The following PCGF3 variants were observed in gnomAD, a reference collection of about 807,000 sequenced individuals.
PCGF3 encodes polycomb group RING finger protein 3.
PCGF3 carries 7 observed loss-of-function variants against 33.1 expected under a neutral mutation model. The ratio of observed to expected loss-of-function variants is 0.21; its 90% CI spans 0.12 to 0.40. The LOEUF is 0.40. PCGF3 is among the 10% of genes least tolerant of loss of function. The probability of loss-of-function intolerance (pLI) is 1.00; values close to 1 mark genes in which losing one functional copy is unlikely to be tolerated. For missense variants in PCGF3, 211 were observed against 313.3 expected, an observed-to-expected ratio of 0.67 and a Z score of 2.46; for synonymous variants, 153 against 121.3, an observed-to-expected ratio of 1.26 and a Z score of -1.72.
At chr4:733,071 C>T (rs577406281) in intron 3 of PCGF3, among the ~76,000 whole-genome samples, 10 of 44,598 alleles carry the variant, frequency 2.2e-4, no homozygotes, top group African/African-American at 1.9e-3. Context: ...GTGCTGCCTC[C>T]GCCCCTGCCC....
intron 8 of PCGF3, among the ~76,000 whole-genome samples, chr4:752,605 C>T (rs1225972331): frequency 1.3e-5 from 2 of 152,170 alleles, no homozygotes; most frequent in African/African-American, 4.8e-5. Flanking sequence ...GGGCCTGCTG[C>T]CCTGAGCTGG....
rs369337004 is a variant in PCGF3, at chr4:710,379, A to G, written c.-190+4409A>G. On this transcript the variant is annotated intron_variant, in intron 1 of 10. Transcript: ENST00000362003. ...CCCAGTGTTTGTGGAGTGACATTCTACCACTTTTGCCAAGAGTCATTCGGC... is the reference window on the plus strand; with the variant it reads ...CCCAGTGTTTGTGGAGTGACATTCTGCCACTTTTGCCAAGAGTCATTCGGC... 1.1e-4 allele frequency among the ~76,000 whole-genome samples: 17 copies of G among 152,302 alleles called. No homozygotes were observed. The South Asian group carries it at 2.3e-3, about 20-fold the overall frequency.
Position 763,718 on chromosome 4 carries a change from C to T in PCGF3, c.601-1266C>T, listed in dbSNP as rs190505304. Among the ~76,000 whole-genome samples the T allele has an allele frequency of 3.9e-5, 6 of 152,316 alleles. No homozygotes were observed. The East Asian group carries it at 1.2e-3, about 29-fold the overall frequency. ...CAGCAGCCACACCTCGTCATTTACC[C>T]ACTGGAAATCTCCTGCCCACACAAA... On this transcript the variant is annotated intron_variant, in intron 9 of 10. Transcript: ENST00000362003.
chr4:758,393 C>T (rs1296450386), intron 8 of PCGF3, among the ~76,000 whole-genome samples: 6 of 142,788 alleles, frequency 4.2e-5, no homozygotes, highest in Non-Finnish European at 7.6e-5. Context: ...GAGTTCTTCT[C>T]CTTCCGGACT....
At chr4:749,897 A>T (rs1238591575) in intron 8 of PCGF3, among the ~76,000 whole-genome samples, 2 of 152,172 alleles carry the variant, frequency 1.3e-5, no homozygotes, top group Non-Finnish European at 2.9e-5. Flanking sequence ...AGCTCCCTGT[A>T]CCCTCTGCCT....
Position 741,457 on chromosome 4 carries a change from A to G in PCGF3, c.263-2017A>G, listed in dbSNP as rs534130190. Among the ~76,000 whole-genome samples, 4 of 152,294 alleles carry G rather than the reference A, an allele frequency of 2.6e-5. No individual in the cohort carries two copies. The East Asian group carries it at 7.7e-4, about 29-fold the overall frequency. On this transcript the variant is annotated intron_variant, in intron 6 of 10. Transcript: ENST00000362003. ...AGTTTTGCTCTTGTTGCCCAGGCTGAGTGCAGTGGCACGATCTCAGCTCAC... is the reference window on the plus strand; with the variant it reads ...AGTTTTGCTCTTGTTGCCCAGGCTGGGTGCAGTGGCACGATCTCAGCTCAC...
intron 8 of PCGF3, among the ~76,000 whole-genome samples, chr4:756,708 G>GCCA (rs1560216185): frequency 6.6e-6 from 1 of 151,966 alleles, no homozygotes; most frequent in African/African-American, 2.4e-5. Context: ...GTGTTACACA[G>GCCA]CCACCACCAC....
At chr4:727,982 C>G (rs1464370230) in intron 1 of PCGF3, among the ~76,000 whole-genome samples, 1 of 152,198 alleles carries the variant, frequency 6.6e-6, no homozygotes, top group Non-Finnish European at 1.5e-5. Flanking sequence ...ACTTTCTGAC[C>G]ATTGACCTGG....
Position 736,819 on chromosome 4 carries a change from G to A in PCGF3, c.207-647G>A, listed in dbSNP as rs1178920168. 1.5e-4 allele frequency among the ~76,000 whole-genome samples: 21 copies of A among 140,798 alleles called. 1 individual carries two copies. The highest frequency in any genetic ancestry group is 3.0e-4 in the Non-Finnish European group (19 of 63,966). 92.4% of individuals were successfully genotyped at this position (140,798 alleles called of 152,430 possible). A position where few individuals can be genotyped will look rare whatever the true frequency, so the allele number is the denominator to read the frequency against. On this transcript the variant is annotated intron_variant, in intron 5 of 10. Transcript: ENST00000362003. ...GAAACCTGGGGTGTCTGCAGGGACA[G>A]TGTCGCGGGGAACCTGGGGTGTCTG... is the stretch of plus-strand genomic sequence containing the variant.
At chr4:728,355 G>A (rs1318035180) in intron 1 of PCGF3, among the ~76,000 whole-genome samples, 5 of 151,678 alleles carry the variant, frequency 3.3e-5, no homozygotes, top group African/African-American at 7.3e-5. Flanking sequence ...GGCGTAGAGT[G>A]CGTGGGGGGT....
At chr4:761,315 C>T (rs1206319800) in exon 9 of PCGF3, 9 of 1,606,876 alleles carry the variant, frequency 5.6e-6, no homozygotes, top group Admixed American at 5.1e-5. Context: ...CAGCAAACTG[C>T]GCGGGCTGAA....
At chr4:743,615 C>G (rs751241230) in intron 7 of PCGF3, 31 bp downstream of exon 7, 2 of 1,278,188 alleles carry the variant, frequency 1.6e-6, no homozygotes, top group South Asian at 1.2e-5. Context: ...TCCAGAAGCC[C>G]CGGGAATCCC....
chr4:712,596 G>A (rs1408466137), intron 1 of PCGF3, among the ~76,000 whole-genome samples: 1 of 152,152 alleles, frequency 6.6e-6, no homozygotes, highest in African/African-American at 2.4e-5. Context: ...ACAGGCGCCT[G>A]CCACCATGCC....
At chr4:752,777 G>A (rs1477936062) in intron 8 of PCGF3, among the ~76,000 whole-genome samples, 10 of 152,230 alleles carry the variant, frequency 6.6e-5, no homozygotes, top group South Asian at 4.1e-4. Context: ...AGGGGCCTGC[G>A]CGTGGCTGTG....
chr4:724,914 A>G (rs1560200571), intron 1 of PCGF3, among the ~76,000 whole-genome samples: 1 of 152,156 alleles, frequency 6.6e-6, no homozygotes, highest in Non-Finnish European at 1.5e-5. Context: ...GTGAGCTGAG[A>G]TCACACCACT....
intron 7 of PCGF3, 87 bp downstream of exon 7, chr4:743,671 C>T: frequency 1.3e-6 from 1 of 763,184 alleles, no homozygotes; most frequent in Non-Finnish European, 2.3e-6. Context: ...CTGCCGGCCC[C>T]TCCCACACGC....
At chr4:763,180 TAA>T (rs1745163447) in intron 9 of PCGF3, among the ~76,000 whole-genome samples, 1 of 152,202 alleles carries the variant, frequency 6.6e-6, no homozygotes, top group African/African-American at 2.4e-5. Context: ...CGCTTTTTGC[TAA>T]GTTTCTATCG....
At chr4:739,731 G>C (rs1035024767) in intron 6 of PCGF3, among the ~76,000 whole-genome samples, 1 of 152,220 alleles carries the variant, frequency 6.6e-6, no homozygotes, top group South Asian at 2.1e-4. Flanking sequence ...TCGTCTCCAC[G>C]TGTTAGTTGG....
chr4:763,660 TGAC>T (rs1560220789), intron 9 of PCGF3, among the ~76,000 whole-genome samples: 1 of 152,192 alleles, frequency 6.6e-6, no homozygotes, highest in Non-Finnish European at 1.5e-5. Flanking sequence ...TGGCAGCTGC[TGAC>T]AACACGAAAC....
Sources: gnomAD v4.1 joint callset for allele counts (sites outside exome capture counted in the v4.1 genomes callset) on GRCh38, gnomAD v4.1.1 for gene constraint, MANE v1.5 for transcripts, NCBI Gene and HGNC (gene_info 2026-07-23, HGNC 2026-07-21) for gene names.